The following STXBP5L variants were observed in gnomAD, a reference collection of about 807,000 sequenced individuals.
STXBP5L encodes the protein syntaxin binding protein 5L.
A neutral mutation model predicts 144.5 loss-of-function variants in STXBP5L; 65 were observed. That is an observed-to-expected ratio of 0.45 (90% CI 0.37 to 0.55). The LOEUF is 0.55. STXBP5L is among the 20% of genes least tolerant of loss of function. STXBP5L has a pLI of 0.00. For missense variants in STXBP5L, 1,298 were observed against 1,405.5 expected (o/e 0.92, Z 1.22); for synonymous variants, 505 against 469.6 (o/e 1.08, Z -0.97).
chr3:121,004,419 G>C (rs1247084534), intron 3 of STXBP5L, among the ~76,000 whole-genome samples: 1 of 152,016 alleles, frequency 6.6e-6, no homozygotes, highest in Non-Finnish European at 1.5e-5. Context: ...AGACTTTGCT[G>C]AAGTTGCCTA....
chr3:120,999,495 G>T (rs752569507), intron 3 of STXBP5L, among the ~76,000 whole-genome samples: 2 of 152,346 alleles, frequency 1.3e-5, no homozygotes, highest in South Asian at 4.1e-4. Context: ...CTCGAAGACA[G>T]CGTACAGTTG....
At chr3:121,015,336 A>T (rs545910771) in intron 3 of STXBP5L, among the ~76,000 whole-genome samples, 1 of 152,318 alleles carries the variant, frequency 6.6e-6, no homozygotes, top group East Asian at 1.9e-4. Context: ...TTCTTAAAAC[A>T]ATAAGATGTT....
intron 20 of STXBP5L, among the ~76,000 whole-genome samples, chr3:121,352,817 T>A (rs960578813): frequency 2.0e-5 from 3 of 152,056 alleles, no homozygotes; most frequent in Non-Finnish European, 4.4e-5. Flanking sequence ...TGGGTGTGGG[T>A]TTGTCATAAG....
intron 5 of STXBP5L, among the ~76,000 whole-genome samples, chr3:121,092,252 G>T (rs1441007283): frequency 6.6e-6 from 1 of 151,778 alleles, no homozygotes; most frequent in African/African-American, 2.4e-5. Context: ...TTGGCAATGC[G>T]GGCTCTTTCT....
intron 20 of STXBP5L, among the ~76,000 whole-genome samples, chr3:121,321,420 A>G (rs2043965656): frequency 6.6e-6 from 1 of 152,236 alleles, no homozygotes; most frequent in Non-Finnish European, 1.5e-5. Context: ...ATTGTGCTAT[A>G]TTAGAGGGTC....
intron 13 of STXBP5L, 43 bp from the exon 14 acceptor site, chr3:121,240,397 C>A: frequency 6.5e-7 from 1 of 1,526,950 alleles, no homozygotes; most frequent in Non-Finnish European, 9.0e-7. Flanking sequence ...ATTTCTAAGC[C>A]ATTTAAACAT....
intron 20 of STXBP5L, among the ~76,000 whole-genome samples, chr3:121,341,858 G>T (rs2044725066): frequency 1.8e-5 from 2 of 112,508 alleles, no homozygotes; most frequent in South Asian, 6.9e-4. Flanking sequence ...GCTGAGAAGG[G>T]TAGTGAAGGG....
intron 9 of STXBP5L, among the ~76,000 whole-genome samples, chr3:121,187,619 AT>A (rs1330661410): frequency 3.3e-5 from 5 of 152,058 alleles, no homozygotes; most frequent in African/African-American, 1.2e-4. Flanking sequence ...AAGAAAAAAA[AT>A]AAACTGCATC....
At chr3:121,384,865 A>G (rs1051068256) in intron 22 of STXBP5L, among the ~76,000 whole-genome samples, 2 of 151,976 alleles carry the variant, frequency 1.3e-5, no homozygotes, top group East Asian at 3.9e-4. Context: ...TCCCCTAGGA[A>G]TTTTACTCTC....
intron 5 of STXBP5L, among the ~76,000 whole-genome samples, chr3:121,090,075 C>CT (rs1273114069): frequency 1.3e-5 from 2 of 151,950 alleles, no homozygotes; most frequent in East Asian, 3.9e-4. Context: ...TAACTATTGC[C>CT]TTTTTTCATT....
chr3:121,173,218 T>C (rs954117830), intron 9 of STXBP5L, among the ~76,000 whole-genome samples: 5 of 151,842 alleles, frequency 3.3e-5, no homozygotes. Context: ...TTAGGAGAAA[T>C]ACCTAAGGTA....
chr3:121,233,351 A>G (rs1457314677), intron 11 of STXBP5L, among the ~76,000 whole-genome samples: 1 of 152,216 alleles, frequency 6.6e-6, no homozygotes, highest in Non-Finnish European at 1.5e-5. Flanking sequence ...CACATAATCC[A>G]ATATTATCAT....
chr3:121,239,603 C>G (rs1430097076), intron 13 of STXBP5L, among the ~76,000 whole-genome samples: 2 of 148,512 alleles, frequency 1.3e-5, no homozygotes, highest in African/African-American at 5.0e-5. Flanking sequence ...TAAACTATCG[C>G]AAGAACAAAA....
chr3:121,357,466 T>C (rs1401282754), intron 20 of STXBP5L: 1 of 152,594 alleles, frequency 6.6e-6, no homozygotes, highest in African/African-American at 2.4e-5. Flanking sequence ...ACATTAATGT[T>C]TGAAAACCCA....
intron 3 of STXBP5L, among the ~76,000 whole-genome samples, chr3:120,994,879 C>G (rs1415904518): frequency 1.3e-5 from 2 of 151,868 alleles, no homozygotes; most frequent in African/African-American, 4.8e-5. Flanking sequence ...TTTGGTAGAA[C>G]TTGGCAGTGA....
chr3:121,389,478 G>T (rs572840654), intron 22 of STXBP5L, among the ~76,000 whole-genome samples: 37 of 152,218 alleles, frequency 2.4e-4, no homozygotes, highest in African/African-American at 8.4e-4. Context: ...TGTGATGTTA[G>T]GGTGTCGATT....
chr3:121,346,300 C>T (rs1276105279), intron 20 of STXBP5L, among the ~76,000 whole-genome samples: 1 of 152,076 alleles, frequency 6.6e-6, no homozygotes, highest in Non-Finnish European at 1.5e-5. Flanking sequence ...TTTATGGTTG[C>T]ATAGTATTCC....
chr3:121,402,340 T>G (rs748223294), intron 22 of STXBP5L, among the ~76,000 whole-genome samples: 1 of 152,162 alleles, frequency 6.6e-6, no homozygotes, highest in Admixed American at 6.6e-5. Flanking sequence ...AAACAATGTA[T>G]GTAAGGGAAA....
intron 14 of STXBP5L, among the ~76,000 whole-genome samples, chr3:121,247,427 G>C (rs1559902585): frequency 6.6e-6 from 1 of 152,188 alleles, no homozygotes. Context: ...CACAGGTAGC[G>C]AGCATAATAC....
Sources: allele counts gnomAD v4.1 joint callset (sites outside exome capture counted in the v4.1 genomes callset), GRCh38; gene constraint gnomAD v4.1.1; transcripts MANE v1.5; gene names NCBI Gene and HGNC (gene_info 2026-07-23, HGNC 2026-07-21).